PDCD1LG2: variants seen among roughly 807,000 people sequenced by gnomAD.
The protein encoded by PDCD1LG2 is B7 dendritic cell molecule.
PDCD1LG2 carries 32 observed loss-of-function variants against 28.2 expected under a neutral mutation model. The observed-to-expected ratio is 1.13, with a 90% CI of 0.86 to 1.52. The LOEUF is 1.52. Among genes scored for constraint, PDCD1LG2 ranks in the 40% most tolerant of loss-of-function variants. The pLI is 0.00. For synonymous variants in PDCD1LG2, 116 were observed against 120.2 expected (o/e 0.97, Z 0.23); for missense variants, 385 against 323.8 (o/e 1.19, Z -1.45).
At chr9:5,563,519 CA>C (rs1322117301) in intron 6 of PDCD1LG2, among the ~76,000 whole-genome samples, 4 of 152,166 alleles carry the variant, frequency 2.6e-5, no homozygotes, top group Non-Finnish European at 4.4e-5. Flanking sequence ...ATGCAATTGA[CA>C]ATGGATGTTT....
At chr9:5,546,602 G>A (rs141882512) in intron 3 of PDCD1LG2, among the ~76,000 whole-genome samples, 1 of 152,112 alleles carries the variant, frequency 6.6e-6, no homozygotes. Context: ...CTACTGCTGG[G>A]TGCTCCTAAG....
chr9:5,539,271 T>G (rs572060506), intron 3 of PDCD1LG2, among the ~76,000 whole-genome samples: 37 of 152,254 alleles, frequency 2.4e-4, no homozygotes, highest in African/African-American at 8.9e-4. Flanking sequence ...AAAAAAAAGT[T>G]GGACCATCAC....
At position 5,569,520 on chromosome 9, in the gene PDCD1LG2, CCAGT is replaced by C. The variant is rs1816730931; in HGVS notation, c.817-431_817-428del. Among the ~76,000 whole-genome samples, 1 of 152,120 alleles carries C rather than the reference CCAGT, an allele frequency of 6.6e-6. No individual in the cohort carries two copies. Among genetic ancestry groups the C allele is most frequent in the South Asian group, 2.1e-4 (1 of 4,820 alleles). The stretch of plus-strand genomic sequence containing the variant: ...ACACTCTTTTTCCCCTAGACTGAGC[CCAGT>C]CAAAGACAGAGGGAGGAGCCCAGTG... On this transcript the variant is annotated intron_variant, in intron 6 of 6. Coordinates refer to ENST00000397747, the MANE Select transcript of PDCD1LG2 (RefSeq NM_025239.4). This position sits in a 1 kb window ranked among gnomAD's most constrained non-coding sequence, Gnocchi z 4.1.
intron 3 of PDCD1LG2, among the ~76,000 whole-genome samples, chr9:5,539,282 C>G (rs887028275): frequency 6.6e-6 from 1 of 152,104 alleles, no homozygotes; most frequent in East Asian, 1.9e-4. Context: ...GGACCATCAC[C>G]TAAGAGTAGG....
At chr9:5,524,112 T>A (rs567623724) in intron 2 of PDCD1LG2, among the ~76,000 whole-genome samples, 34 of 152,316 alleles carry the variant, frequency 2.2e-4, no homozygotes, top group Admixed American at 1.8e-3. Context: ...AATTTACATA[T>A]GGTATAGTTC....
At chr9:5,568,678 C>T (rs1376611976) in intron 6 of PDCD1LG2, among the ~76,000 whole-genome samples, 2 of 152,190 alleles carry the variant, frequency 1.3e-5, no homozygotes, top group South Asian at 2.1e-4. Flanking sequence ...CTCAGAAATA[C>T]CCAACCCATG....
chr9:5,514,393 T>C (rs1376139381), intron 1 of PDCD1LG2, among the ~76,000 whole-genome samples: 2 of 152,186 alleles, frequency 1.3e-5, no homozygotes, highest in Admixed American at 6.5e-5. Flanking sequence ...ACTAGGCCTA[T>C]AGCAACCAAG....
intron 2 of PDCD1LG2, among the ~76,000 whole-genome samples, chr9:5,524,400 T>C (rs903068787): frequency 2.6e-5 from 4 of 152,228 alleles, no homozygotes; most frequent in Non-Finnish European, 4.4e-5. Context: ...AAAATATGTG[T>C]AATGAATTAT....
chr9:5,529,276 G>T (rs886682563), intron 2 of PDCD1LG2, among the ~76,000 whole-genome samples: 1 of 152,044 alleles, frequency 6.6e-6, no homozygotes, highest in African/African-American at 2.4e-5. Context: ...TACACATTTT[G>T]TAGTTGTATA....
intron 5 of PDCD1LG2, among the ~76,000 whole-genome samples, chr9:5,559,857 C>T (rs1429209984): frequency 6.6e-6 from 1 of 152,206 alleles, no homozygotes; most frequent in African/African-American, 2.4e-5. Flanking sequence ...GCTTTAACTG[C>T]ATCACCATCA....
chr9:5,571,282 A>T lies in PDCD1LG2; in HGVS notation c.*1323A>T, dbSNP rs1032444501. 1.8e-5 allele frequency: 4 copies of T among 228,184 alleles called. No individual in the cohort carries two copies. The highest frequency in any genetic ancestry group is 8.9e-5 in the African/African-American group (4 of 45,084). The allele number at this position is 228,184 out of a possible 1,614,324, so 14.1% of individuals were successfully genotyped here. A position where few individuals can be genotyped will look rare whatever the true frequency, so the allele number is the denominator to read the frequency against. The stretch of plus-strand genomic sequence containing the variant: ...TTCTTTATATATTCTACTTTTGGGT[A>T]AGAGGTTTGCTCAGGGTCTTGCAAG... On this transcript the variant is annotated 3_prime_UTR_variant, in exon 7 of 7. Transcript: ENST00000397747.
At chr9:5,526,808 T>C (rs1478278583) in intron 2 of PDCD1LG2, among the ~76,000 whole-genome samples, 2 of 152,232 alleles carry the variant, frequency 1.3e-5, no homozygotes, top group Non-Finnish European at 2.9e-5. Flanking sequence ...ATTCAATAAA[T>C]GTATGTTCTT....
intron 3 of PDCD1LG2, among the ~76,000 whole-genome samples, chr9:5,535,502 C>T (rs1176073455): frequency 2.6e-5 from 4 of 152,056 alleles, no homozygotes; most frequent in Non-Finnish European, 4.4e-5. Flanking sequence ...GCACGTTTCC[C>T]GCCCTTTAAA....
chr9:5,567,052 T>C (rs138793301), intron 6 of PDCD1LG2, among the ~76,000 whole-genome samples: 260 of 152,330 alleles, frequency 1.7e-3, no homozygotes, highest in African/African-American at 5.6e-3. Context: ...TGCCCTGATG[T>C]ATTACTTTCA....
intron 4 of PDCD1LG2, among the ~76,000 whole-genome samples, chr9:5,557,389 G>A (rs896796109): frequency 6.6e-6 from 1 of 152,186 alleles, no homozygotes; most frequent in Non-Finnish European, 1.5e-5. Context: ...GTCTCTCTGT[G>A]CCTCCCTTTC....
chr9:5,568,759 AAG>A (rs1412447795), intron 6 of PDCD1LG2, among the ~76,000 whole-genome samples: 1 of 152,212 alleles, frequency 6.6e-6, no homozygotes, highest in African/African-American at 2.4e-5. Context: ...TGCTATTAGC[AAG>A]AGGAGTCACT....
At chr9:5,556,211 A>T (rs1370519589) in intron 4 of PDCD1LG2, among the ~76,000 whole-genome samples, 2 of 152,196 alleles carry the variant, frequency 1.3e-5, no homozygotes, top group African/African-American at 4.8e-5. Context: ...GCACAGGACA[A>T]GGGTTTGCAT....
chr9:5,541,797 C>G (rs117736033), intron 3 of PDCD1LG2, among the ~76,000 whole-genome samples: 3,822 of 152,032 alleles, frequency 0.025, 94 homozygotes, highest in Middle Eastern at 0.061. Context: ...CAAAATACTA[C>G]CATCATTCTT....
intron 2 of PDCD1LG2, among the ~76,000 whole-genome samples, chr9:5,532,456 C>T (rs1820501423): frequency 6.6e-6 from 1 of 152,206 alleles, no homozygotes; most frequent in African/African-American, 2.4e-5. Flanking sequence ...GAAAGGAAAG[C>T]AGAGGTGAAT....
Sources: gnomAD v4.1 joint callset for allele counts (sites outside exome capture counted in the v4.1 genomes callset) on GRCh38, gnomAD v4.1.1 for gene constraint, Gnocchi (gnomAD v3.1) non-coding constraint, MANE v1.5 for transcripts, NCBI Gene and HGNC (gene_info 2026-07-23, HGNC 2026-07-21) for gene names.